Variants in MXRA5 observed in about 807,000 individuals in gnomAD.
The protein encoded by MXRA5 is matrix remodeling associated 5, also known as matrix-remodeling-associated protein 5.
Under a neutral mutation model 112.5 loss-of-function variants are expected in MXRA5, and 41 were observed. The ratio of observed to expected loss-of-function variants is 0.36; its 90% CI spans 0.28 to 0.47. The LOEUF (loss-of-function observed/expected upper bound fraction) is 0.47, where lower values mean the gene tolerates loss of function less well. MXRA5 is among the 20% of genes least tolerant of loss of function. The probability of loss-of-function intolerance (pLI) is 0.99; values close to 1 mark genes in which losing one functional copy is unlikely to be tolerated. For synonymous variants in MXRA5, 862 were observed against 900.8 expected (o/e 0.96, Z 0.77); for missense variants, 2,150 against 2,251.0 (o/e 0.96, Z 0.91).
Position 3,323,912 on chromosome X carries a change from T to C in MXRA5, c.1773A>G (p.Pro591=), listed in dbSNP as rs1467248517. ...TGCAAGGCAATGTCACCGACTCCCCTGGGTTCTTGCCAATTGTCACTGTGT... is the reference window on the plus strand; with the variant it reads ...TGCAAGGCAATGTCACCGACTCCCCCGGGTTCTTGCCAATTGTCACTGTGT... ...EKDTVTIGKN[P]GESVTLPCNA... is the part of the protein sequence containing the mutation. Residue 591 remains proline (P), a synonymous_variant, in exon 5 of 7, where the codon CCA becomes CCG. Coordinates refer to ENST00000217939, the MANE Select transcript of MXRA5 (RefSeq NM_015419.4). 8.3e-7 allele frequency: 1 copy of C among 1,207,132 alleles called. No homozygotes were observed. Among genetic ancestry groups the C allele is most frequent in the East Asian group, 3.0e-5 (1 of 33,780 alleles).
intron 4 of MXRA5, among the ~76,000 whole-genome samples, chrX:3,327,862 T>G (rs1195355611): frequency 8.9e-6 from 1 of 112,783 alleles, no homozygotes; most frequent in Non-Finnish European, 1.9e-5. Context: ...AATCTTGAGT[T>G]TCTTTCACAT....
intron 2 of MXRA5, among the ~76,000 whole-genome samples, chrX:3,341,575 AAT>A (rs1491449542): frequency 2.2e-4 from 6 of 27,460 alleles, no homozygotes; most frequent in Admixed American, 7.5e-4. Context: ...TATTATATAT[AAT>A]ATATATAATA....
rs1242754441 is a variant in MXRA5 at position 3,323,038 on chromosome X, G to T, written c.2647C>A (p.Pro883Thr). The T allele has an allele frequency of 2.5e-6, 3 of 1,209,725 alleles. No homozygotes were observed. The highest frequency in any genetic ancestry group is 3.4e-6 in the Non-Finnish European group (3 of 895,163). The change falls in exon 5 of 7, where the codon CCT becomes ACT. Residue 883 changes from proline to threonine, a missense_variant. Pro to Thr is a conservative substitution (Grantham distance 38, BLOSUM62 -1). This residue lies in a region of MXRA5 where 1,485 missense variants were observed against 1,471.6 expected (regional missense o/e 1.01). Coordinates refer to ENST00000217939, the MANE Select transcript of MXRA5 (RefSeq NM_015419.4). ...AGGTCATCAACAACTTCCTCCAGAG[G>T]TGTGCTTGTTACTTCAGGTTCAACA... ...ILVEPEVTSTPLEEVVDDLSE... is the reference protein window; with the variant it reads ...ILVEPEVTSTTLEEVVDDLSE...
chrX:3,327,310 AT>A (rs1921537487), intron 4 of MXRA5, among the ~76,000 whole-genome samples: 1 of 112,018 alleles, frequency 8.9e-6, no homozygotes, highest in African/African-American at 3.2e-5. Context: ...ACACATACAC[AT>A]ACTCACACTC....
intron 4 of MXRA5, among the ~76,000 whole-genome samples, chrX:3,325,245 T>C (rs1393810117): frequency 9.0e-6 from 1 of 111,109 alleles, no homozygotes; most frequent in East Asian, 2.8e-4. Flanking sequence ...TAACGGGTAT[T>C]TAAAAAACAT....
chrX:3,345,550 C>T (rs1164350159), intron 1 of MXRA5, among the ~76,000 whole-genome samples: 1 of 112,964 alleles, frequency 8.9e-6, no homozygotes, highest in Admixed American at 9.3e-5. Flanking sequence ...GGCCTCCCAC[C>T]CCGGCACCAA....
chrX:3,345,593 A>G (rs761605881), intron 1 of MXRA5, among the ~76,000 whole-genome samples: 16 of 112,934 alleles, frequency 1.4e-4, no homozygotes, highest in Non-Finnish European at 1.9e-4. Context: ...TCGCCCCCAG[A>G]CAACCCTAAT....
chrX:3,331,133 C>T (rs1486496056), intron 2 of MXRA5, among the ~76,000 whole-genome samples: 8 of 111,343 alleles, frequency 7.2e-5, no homozygotes, highest in Non-Finnish European at 1.5e-4. Flanking sequence ...TCTGGAACTC[C>T]TGGCCTCATA....
Position 3,324,785 on chromosome X carries a change from C to A in MXRA5, c.900G>T (p.Glu300Asp), listed in dbSNP as rs762211233. ...RSIEEEQEQE[E>D]DGGSQLILEK... is the part of the protein sequence containing the mutation. ...CCAGGATGAGCTGGCTGCCACCATC[C>A]TCTTCCTGTTCTTGCTCCTCCTCAA... is the stretch of plus-strand genomic sequence containing the variant. The change falls in exon 5 of 7, where the codon GAG (glutamate) becomes GAT (aspartate). Residue 300 changes from glutamate to aspartate, a missense_variant. Glu to Asp is a conservative substitution (Grantham distance 45, BLOSUM62 2). Coordinates refer to ENST00000217939, the MANE Select transcript of MXRA5 (RefSeq NM_015419.4). The A allele has an allele frequency of 3.3e-6, 4 of 1,208,534 alleles. No homozygotes were observed. The African/African-American group carries it at 7.0e-5, about 21-fold the overall frequency.
At chrX:3,346,422 C>T in intron 1 of MXRA5, 93 bp downstream of exon 1, 5 of 552,626 alleles carry the variant, frequency 9.0e-6, no homozygotes, top group Non-Finnish European at 1.1e-5. Flanking sequence ...AGGCCCTTTA[C>T]CCCCAGTGTT....
intron 2 of MXRA5, among the ~76,000 whole-genome samples, chrX:3,332,369 C>G (rs1270580789): frequency 3.6e-5 from 4 of 111,049 alleles, no homozygotes; most frequent in East Asian, 2.8e-4. Context: ...CTCAGCCTCC[C>G]GAGTAGCTGG....
In MXRA5 at chrX:3,323,178, G is replaced by C. The variant is rs748474140; in HGVS notation, c.2507C>G (p.Thr836Ser). The change falls in exon 5 of 7, where the codon ACC (threonine) becomes AGC (serine). Residue 836 changes from threonine (T) to serine (S), a missense_variant. Transcript: ENST00000217939. The part of the protein sequence containing the change: ...PPSASPVQTV[T>S]SAEESSADVP... The stretch of plus-strand genomic sequence containing the variant: ...ATCTGCTGAGGATTCTTCAGCACTG[G>C]TTACTGTCTGCACAGGAGATGCTGA... 7.4e-6 allele frequency: 9 copies of C among 1,211,481 alleles called. No individual in the cohort carries two copies. In the East Asian group the frequency reaches 8.9e-5, roughly 12 times the overall value.
At chrX:3,328,147 G>C (rs376844974) in intron 4 of MXRA5, among the ~76,000 whole-genome samples, 3 of 112,360 alleles carry the variant, frequency 2.7e-5, no homozygotes, top group Admixed American at 9.4e-5. Flanking sequence ...TTCTGGTTAA[G>C]ACCATTCACA....
intron 6 of MXRA5, among the ~76,000 whole-genome samples, chrX:3,314,916 A>G (rs1466504076): frequency 9.0e-6 from 1 of 111,239 alleles, no homozygotes; most frequent in African/African-American, 3.3e-5. Flanking sequence ...AGATAGATAG[A>G]TAGATAGATA....
chrX:3,322,484 T>C lies in MXRA5; in HGVS notation c.3201A>G (p.Leu1067=). ...CTCCCTCTAGCATATTTCCTCCCTGTAGTGTCTGAGACATCTCTTTCATAC... is the reference window on the plus strand; with the variant it reads ...CTCCCTCTAGCATATTTCCTCCCTGCAGTGTCTGAGACATCTCTTTCATAC... ...KKGMKEMSQT[L]QGGNMLEGDP... Residue 1067 remains leucine (L), a synonymous_variant, in exon 5 of 7, where the codon CTA becomes CTG. Transcript: ENST00000217939. 1 of 1,211,767 alleles carries C rather than the reference T, an allele frequency of 8.3e-7. No individual in the cohort carries two copies. The highest frequency in any genetic ancestry group is 1.1e-6 in the Non-Finnish European group (1 of 895,504).
Position 3,310,562 on chromosome X carries a change from C to T in MXRA5, c.7641G>A (p.Pro2547=). ...CCATGGCCGTGATCTTCTCGCTGATCGGGTCGTGGAAGATGGGTTTCTCCA... is the reference window on the plus strand; with the variant it reads ...CCATGGCCGTGATCTTCTCGCTGATTGGGTCGTGGAAGATGGGTTTCTCCA... ...EPMEKPIFHD[P]ISEKITAMAG... Residue 2547 remains proline (P), a synonymous_variant, in exon 7 of 7, where the codon CCG becomes CCA. Transcript: ENST00000217939. 3.5e-6 allele frequency: 4 copies of T among 1,155,722 alleles called. No individual in the cohort carries two copies. Among genetic ancestry groups the T allele is most frequent in the South Asian group, 1.9e-5 (1 of 53,324 alleles).
chrX:3,323,969 C>T lies in MXRA5; in HGVS notation c.1716G>A (p.Val572=). 2 of 1,205,269 alleles carry T rather than the reference C, an allele frequency of 1.7e-6. No individual in the cohort carries two copies. Among genetic ancestry groups the T allele is most frequent in the Admixed American group, 2.2e-5 (1 of 45,576 alleles). ...EMDRMVYRVL[V]QSPSTQPAEK... ...CGGCTGGCTGAGTGGAGGGAGACTGCACAAGTACCCTATATACCATGCGGT... is the reference window on the plus strand; with the variant it reads ...CGGCTGGCTGAGTGGAGGGAGACTGTACAAGTACCCTATATACCATGCGGT... The change falls in exon 5 of 7, where the codon GTG becomes GTA. Residue 572 remains valine (V), a synonymous_variant. Coordinates refer to ENST00000217939, the MANE Select transcript of MXRA5 (RefSeq NM_015419.4).
Position 3,346,537 on chromosome X carries a change from C to T in MXRA5, c.-51G>A. The T allele has an allele frequency of 1.3e-6, 1 of 754,924 alleles. No individual in the cohort carries two copies. The allele number at this position is 754,924 out of a possible 1,213,427, so 62.2% of individuals were successfully genotyped here. A position where few individuals can be genotyped will look rare whatever the true frequency, so the allele number is the denominator to read the frequency against. On this transcript the variant is annotated 5_prime_UTR_variant, in exon 1 of 7. The change creates a new upstream start codon in the 5' untranslated region. Coordinates refer to ENST00000217939, the MANE Select transcript of MXRA5 (RefSeq NM_015419.4). ...CACCTGTCCTTGGGAAGCCGCCGCA[C>T]ACGGGAGCGGTGCGCCGGGAGCATC...
At chrX:3,341,458 G>A (rs182752115) in intron 2 of MXRA5, among the ~76,000 whole-genome samples, 949 of 7,560 alleles carry the variant, frequency 0.13, 216 homozygotes, top group Non-Finnish European at 0.13. Context: ...TATAATATAT[G>A]TAATATATAT....
Sources: gnomAD v4.1 joint callset for allele counts (sites outside exome capture counted in the v4.1 genomes callset) on GRCh38, gnomAD v4.1.1 for gene constraint, gnomAD v4.1.1 regional missense constraint, MANE v1.5 for transcripts, NCBI Gene and HGNC (gene_info 2026-07-23, HGNC 2026-07-21) for gene names.